The following MMP3 variants were observed in gnomAD, a reference collection of about 807,000 sequenced individuals.
The protein encoded by MMP3 is stromelysin-1.
In MMP3, 46 loss-of-function variants were observed where a neutral mutation model predicts 47.3. The ratio of observed to expected loss-of-function variants is 0.97; its 90% CI spans 0.77 to 1.24. The LOEUF (loss-of-function observed/expected upper bound fraction) is 1.24. Ranked by LOEUF, MMP3 falls within the 50% of genes most tolerant of loss-of-function variation. The pLI, the probability that MMP3 is intolerant of heterozygous loss-of-function variation, is 0.00. For synonymous variants in MMP3, 216 were observed against 206.5 expected, an observed-to-expected ratio of 1.05 and a Z score of -0.39; for missense variants, 558 against 565.5, an observed-to-expected ratio of 0.99 and a Z score of 0.13.
intron 4 of MMP3, among the ~76,000 whole-genome samples, chr11:102,840,983 T>C (rs1193530704): frequency 2.0e-5 from 3 of 152,224 alleles, no homozygotes; most frequent in African/African-American, 7.2e-5. Flanking sequence ...AACACTGTTT[T>C]AATATATTTA....
chr11:102,836,882 C>CA lies in MMP3; in HGVS notation c.1333+415dup, dbSNP rs1391960244. ...TGACTGACAACTCAGGAAAGACAGA[C>CA]AAAAAATCTCCCTGGGAATTAGTAG... On this transcript the variant is annotated intron_variant, in intron 9 of 9. Coordinates refer to ENST00000299855, the MANE Select transcript of MMP3 (RefSeq NM_002422.5). The surrounding 1 kb of genome is among the most constrained non-coding windows in gnomAD (Gnocchi z 4.6). The CA allele has an allele frequency of 4.8e-5, 10 of 207,532 alleles. No individual in the cohort carries two copies. Among genetic ancestry groups the CA allele is most frequent in the Non-Finnish European group, 9.7e-5 (10 of 102,690 alleles). The allele number at this position is 207,532 out of a possible 1,614,324, so 12.9% of individuals were successfully genotyped here. A position where few individuals can be genotyped will look rare whatever the true frequency, so the allele number is the denominator to read the frequency against.
At chr11:102,839,972 C>T (rs1858963381) in intron 6 of MMP3, 136 bp downstream of exon 6, 1 of 945,118 alleles carries the variant, frequency 1.1e-6, no homozygotes, top group South Asian at 2.1e-5. Flanking sequence ...AAGGCAGCAC[C>T]AGATCTAAAT....
chr11:102,837,254 A>T lies in MMP3; in HGVS notation c.1333+44T>A. On this transcript the variant is annotated intron_variant, in intron 9 of 9. Coordinates refer to ENST00000299855, the MANE Select transcript of MMP3 (RefSeq NM_002422.5). The surrounding 1 kb of genome is among the most constrained non-coding windows in gnomAD (Gnocchi z 4.4). ...CTCCTCTTCCCTCTGATATCATAAA[A>T]TGTTTCAAGTGCTCTATGGCCAACA... is the stretch of plus-strand genomic sequence containing the variant. The T allele has an allele frequency of 6.9e-7, 1 of 1,442,444 alleles. No individual in the cohort carries two copies. 89.4% of individuals were successfully genotyped at this position (1,442,444 alleles called of 1,614,324 possible).
At chr11:102,838,462 G>T in intron 8 of MMP3, 89 bp downstream of exon 8, 2 of 1,367,864 alleles carry the variant, frequency 1.5e-6, no homozygotes, top group African/African-American at 1.5e-5. Context: ...AGAGAAGCAG[G>T]CCTAAGGTTG....
At chr11:102,840,623 T>C in intron 4 of MMP3, 30 bp from the exon 5 acceptor site, 1 of 1,608,610 alleles carries the variant, frequency 6.2e-7, no homozygotes, top group Non-Finnish European at 8.5e-7. Flanking sequence ...CAATAGTTAC[T>C]TATTTTTTAA....
chr11:102,841,476 T>A (rs1184023457), intron 4 of MMP3, among the ~76,000 whole-genome samples: 1 of 152,178 alleles, frequency 6.6e-6, no homozygotes, highest in African/African-American at 2.4e-5. Flanking sequence ...TAAATCCCAG[T>A]TAAACCTCAG....
chr11:102,841,819 A>G (rs1364781702), intron 4 of MMP3, among the ~76,000 whole-genome samples: 1 of 152,128 alleles, frequency 6.6e-6, no homozygotes, highest in Non-Finnish European at 1.5e-5. Context: ...TCCAGAGCAC[A>G]TTTTAATGTA....
rs782323413 is a variant in MMP3, at chr11:102,843,493, A to G, written c.54T>C (p.Tyr18=). 1 of 1,613,774 alleles carries G rather than the reference A, an allele frequency of 6.2e-7. No homozygotes were observed. Among genetic ancestry groups the G allele is most frequent in the Non-Finnish European group, 8.5e-7 (1 of 1,179,832 alleles). Residue 18 remains tyrosine (Y), a synonymous_variant, in exon 1 of 10, where the codon TAT becomes TAC. Transcript: ENST00000299855. ...LLLCVAVCSA[Y]PLDGAARGED... is the part of the protein sequence containing the mutation. ...CACCCCTTGCAGCTCCATCCAATGGATAGGCTGAGCAAACTGCCACGCACA... is the reference window on the plus strand; with the variant it reads ...CACCCCTTGCAGCTCCATCCAATGGGTAGGCTGAGCAAACTGCCACGCACA...
rs782658504 is a variant in MMP3 at position 102,843,426 on chromosome 11, A to C, written c.105+16T>G. On this transcript the variant is annotated intron_variant, in intron 1 of 9. Coordinates refer to ENST00000299855, the MANE Select transcript of MMP3 (RefSeq NM_002422.5). ...TGGAAGCTCCCCACCTGGCCAGGTC[A>C]GTTAGTGTTAATTACCTGAACAAGG... The C allele has an allele frequency of 1.3e-6, 2 of 1,595,808 alleles. No individual in the cohort carries two copies. The highest frequency in any genetic ancestry group is 1.7e-6 in the Non-Finnish European group (2 of 1,164,480).
rs945703239 is a variant in MMP3, at chr11:102,837,519, G to A, written c.1230-118C>T. Reference sequence around the variant, plus strand: ...AACTTTATAAATACTGCAAATAAATGCCAAGCATATTTGGGACTATAGAAA... The same window carrying A: ...AACTTTATAAATACTGCAAATAAATACCAAGCATATTTGGGACTATAGAAA... On this transcript the variant is annotated intron_variant, in intron 8 of 9. Transcript: ENST00000299855. The surrounding 1 kb of genome is among the most constrained non-coding windows in gnomAD (Gnocchi z 4.4). 7.0e-6 allele frequency: 5 copies of A among 713,026 alleles called. No homozygotes were observed. In the East Asian group the frequency reaches 1.1e-4, roughly 15 times the overall value. 44.2% of individuals were successfully genotyped at this position (713,026 alleles called of 1,614,324 possible). A position where few individuals can be genotyped will look rare whatever the true frequency, so the allele number is the denominator to read the frequency against.
chr11:102,839,122 A>T lies in MMP3; in HGVS notation c.1057T>A (p.Phe353Ile). The stretch of plus-strand genomic sequence containing the variant: ...ATATAGTAATTACCTTTAAAAATGA[A>T]AACGAGGTCCTTGCTAGTAACTTCA... ...AYEVTSKDLV[F>I]IFKGNQFWAI... Residue 353 changes from phenylalanine (F) to isoleucine (I), a missense_variant, in exon 7 of 10, where the codon TTC becomes ATC. Transcript: ENST00000299855. 1 of 1,612,296 alleles carries T rather than the reference A, an allele frequency of 6.2e-7. No individual in the cohort carries two copies. Among genetic ancestry groups the T allele is most frequent in the South Asian group, 1.1e-5 (1 of 90,656 alleles).
rs370303354 is a variant in MMP3, at chr11:102,843,497, G to A, written c.50C>T (p.Ala17Val). Residue 17 changes from alanine to valine, a missense_variant, in exon 1 of 10, where the codon GCC (alanine) becomes GTC (valine). Coordinates refer to ENST00000299855, the MANE Select transcript of MMP3 (RefSeq NM_002422.5). ...LLLLCVAVCS[A>V]YPLDGAARGE... ...CCTTGCAGCTCCATCCAATGGATAGGCTGAGCAAACTGCCACGCACAGCAA... is the reference window on the plus strand; with the variant it reads ...CCTTGCAGCTCCATCCAATGGATAGACTGAGCAAACTGCCACGCACAGCAA... 7.4e-6 allele frequency: 12 copies of A among 1,613,596 alleles called. No individual in the cohort carries two copies. Among genetic ancestry groups the A allele is most frequent in the Non-Finnish European group, 1.0e-5 (12 of 1,179,830 alleles).
rs782726521 is a variant in MMP3, at chr11:102,837,662, CA to C, written c.1230-262del. On this transcript the variant is annotated intron_variant, in intron 8 of 9. Coordinates refer to ENST00000299855, the MANE Select transcript of MMP3 (RefSeq NM_002422.5). The surrounding 1 kb of genome is among the most constrained non-coding windows in gnomAD (Gnocchi z 4.4). ...TGTCATCATATTTCTTAAGCCTGGA[CA>C]GAAAGAACCTTAATCATCTTTCTGT... Among the ~76,000 whole-genome samples, 9 of 152,028 alleles carry C rather than the reference CA, an allele frequency of 5.9e-5. No individual in the cohort carries two copies. The highest frequency in any genetic ancestry group is 1.3e-4 in the Non-Finnish European group (9 of 68,026).
chr11:102,840,433 G>C lies in MMP3; in HGVS notation c.786C>G (p.Leu262=). ...GATTTTCCCAGTGTCACTCACCATA[G>C]AGGGACTGAATGCCATTTATATCAT... ...SQDDINGIQS[L]YGPPPDSPET... Residue 262 remains leucine (L), a synonymous_variant, in exon 5 of 10, where the codon CTC becomes CTG. Transcript: ENST00000299855. 6.2e-7 allele frequency: 1 copy of C among 1,613,904 alleles called. No individual in the cohort carries two copies. The highest frequency in any genetic ancestry group is 8.5e-7 in the Non-Finnish European group (1 of 1,179,936).
rs3025094 is a variant in MMP3, at chr11:102,839,352, G to A, written c.936-109C>T. On this transcript the variant is annotated intron_variant, in intron 6 of 9. Transcript: ENST00000299855. ...GCTTCCCCCATTCTCTCATCTTCTA[G>A]GCTGGATGACAGATAGAAATCAGGT... The A allele has an allele frequency of 0.032, 41,352 of 1,277,590 alleles. 961 individuals carry two copies. The highest frequency in any genetic ancestry group is 0.033 in the Middle Eastern group (139 of 4,152). The allele number at this position is 1,277,590 out of a possible 1,614,324, so 79.1% of individuals were successfully genotyped here. A position where few individuals can be genotyped will look rare whatever the true frequency, so the allele number is the denominator to read the frequency against.
chr11:102,835,850 G>A lies in MMP3; in HGVS notation c.*276C>T, dbSNP rs1858869737. ...ATTAAATAAGCAAATAGTCTACACA[G>A]ATACAGTCACTTGTCTGTTGCACAC... On this transcript the variant is annotated 3_prime_UTR_variant, in exon 10 of 10. Transcript: ENST00000299855. The A allele has an allele frequency of 2.7e-6, 1 of 373,410 alleles. No individual in the cohort carries two copies. Among genetic ancestry groups the A allele is most frequent in the Non-Finnish European group, 4.9e-6 (1 of 205,404 alleles). The allele number at this position is 373,410 out of a possible 1,614,324, so 23.1% of individuals were successfully genotyped here.
Position 102,837,552 on chromosome 11 carries a change from C to T in MMP3, c.1230-151G>A. The T allele has an allele frequency of 1.6e-6, 1 of 630,880 alleles. No homozygotes were observed. The highest frequency in any genetic ancestry group is 2.8e-6 in the Non-Finnish European group (1 of 362,722). The allele number at this position is 630,880 out of a possible 1,614,324, so 39.1% of individuals were successfully genotyped here. Reference sequence around the variant, plus strand: ...TATTTGGGACTATAGAAATATGTGACTTTAATGGTACTGTAAAGAGTTCTG... The same window carrying T: ...TATTTGGGACTATAGAAATATGTGATTTTAATGGTACTGTAAAGAGTTCTG... On this transcript the variant is annotated intron_variant, in intron 8 of 9. Coordinates refer to ENST00000299855, the MANE Select transcript of MMP3 (RefSeq NM_002422.5). This position sits in a 1 kb window ranked among gnomAD's most constrained non-coding sequence, Gnocchi z 4.4.
Position 102,842,194 on chromosome 11 carries a change from G to A in MMP3, c.585C>T (p.Ala195=), listed in dbSNP as rs1859009515. The A allele has an allele frequency of 1.2e-6, 2 of 1,611,562 alleles. No individual in the cohort carries two copies. Among genetic ancestry groups the A allele is most frequent in the Non-Finnish European group, 8.5e-7 (1 of 1,178,828 alleles). ...YAPGPGINGD[A]HFDDDEQWTK... Reference sequence around the variant, plus strand: ...TCCATTGTTCATCATCATCAAAGTGGGCATCTCCATTAATCCCTGGCCCAG... The same window carrying A: ...TCCATTGTTCATCATCATCAAAGTGAGCATCTCCATTAATCCCTGGCCCAG... Residue 195 remains alanine, a synonymous_variant, in exon 4 of 10, where the codon GCC becomes GCT. Transcript: ENST00000299855.
intron 5 of MMP3, 26 bp downstream of exon 5, chr11:102,840,403 T>A: frequency 2.5e-6 from 4 of 1,608,954 alleles, no homozygotes; most frequent in Non-Finnish European, 3.4e-6. Flanking sequence ...AAAACTACAA[T>A]GGCTGATTTT....
Sources: allele counts gnomAD v4.1 joint callset (sites outside exome capture counted in the v4.1 genomes callset), GRCh38; gene constraint gnomAD v4.1.1; non-coding constraint Gnocchi (gnomAD v3.1); transcripts MANE v1.5; gene names NCBI Gene and HGNC (gene_info 2026-07-23, HGNC 2026-07-21).